The following NECAB1 variants were observed in gnomAD, a reference collection of about 807,000 sequenced individuals.
The protein encoded by NECAB1 is N-terminal EF-hand calcium binding protein 1.
Under a neutral mutation model 57.5 loss-of-function variants are expected in NECAB1, and 29 were observed. The observed-to-expected ratio is 0.50, with a 90% CI of 0.38 to 0.69. NECAB1 has a LOEUF of 0.69. NECAB1 is among the 30% of genes least tolerant of loss of function. The pLI is 0.00. For missense variants in NECAB1, 372 were observed against 413.8 expected, an observed-to-expected ratio of 0.90 and a Z score of 0.88; for synonymous variants, 142 against 147.7, an observed-to-expected ratio of 0.96 and a Z score of 0.28.
At chr8:90,858,580 T>C (rs1316513318) in intron 3 of NECAB1, among the ~76,000 whole-genome samples, 1 of 151,020 alleles carries the variant, frequency 6.6e-6, no homozygotes, top group African/African-American at 2.4e-5. Context: ...CTTCTTATGG[T>C]CATAGCCAAT....
chr8:90,816,513 G>A (rs1406118973), intron 2 of NECAB1, among the ~76,000 whole-genome samples: 3 of 151,782 alleles, frequency 2.0e-5, no homozygotes, highest in Admixed American at 1.3e-4. Flanking sequence ...AAAGGTGTTA[G>A]GTCTGTGTCT....
intron 9 of NECAB1, chr8:90,940,129 G>A (rs1195034220): frequency 1.3e-5 from 2 of 152,204 alleles, no homozygotes; most frequent in South Asian, 4.1e-4. Flanking sequence ...TTTGTTACAG[G>A]AAACAGTTGG....
chr8:90,816,746 T>C (rs965822465), intron 2 of NECAB1, among the ~76,000 whole-genome samples: 4 of 151,800 alleles, frequency 2.6e-5, no homozygotes, highest in Admixed American at 6.6e-5. Flanking sequence ...CAGTAAATCT[T>C]GCAATTGGGA....
chr8:90,805,589 G>A (rs1001712914), intron 2 of NECAB1, among the ~76,000 whole-genome samples: 14 of 151,700 alleles, frequency 9.2e-5, no homozygotes, highest in Non-Finnish European at 2.1e-4. Flanking sequence ...AGAGATGCTA[G>A]TGCTTTGAGC....
intron 10 of NECAB1, 79 bp downstream of exon 10, chr8:90,940,977 C>A: frequency 9.6e-7 from 1 of 1,043,550 alleles, no homozygotes; most frequent in Non-Finnish European, 1.5e-6. Flanking sequence ...TTAGACAAGG[C>A]TGGGGGTCTA....
At position 90,807,703 on chromosome 8, in the gene NECAB1, C is replaced by T. The variant is rs146652920; in HGVS notation, c.124+5988C>T. 1.7e-3 allele frequency among the ~76,000 whole-genome samples: 257 copies of T among 152,240 alleles called. 2 individuals carry two copies. The highest frequency in any genetic ancestry group is 5.5e-3 in the African/African-American group (229 of 41,538). On this transcript the variant is annotated intron_variant, in intron 2 of 12. Transcript: ENST00000417640. ...CATAATTCCTCATACTTTTTGCAAA[C>T]ATTTTTGGGAAAATAATGAAACTGA... is the stretch of plus-strand genomic sequence containing the variant.
intron 1 of NECAB1, among the ~76,000 whole-genome samples, chr8:90,799,361 C>CT: frequency 6.6e-6 from 1 of 151,898 alleles, no homozygotes; most frequent in African/African-American, 2.4e-5. Flanking sequence ...TTAGTTATAA[C>CT]TTTTTTCTCA....
At chr8:90,887,112 C>G (rs1278011579) in intron 5 of NECAB1, among the ~76,000 whole-genome samples, 1 of 152,076 alleles carries the variant, frequency 6.6e-6, no homozygotes, top group African/African-American at 2.4e-5. Flanking sequence ...CCGTGACATG[C>G]CATTTATCAT....
chr8:90,900,415 G>A (rs1809472995), intron 5 of NECAB1, among the ~76,000 whole-genome samples: 1 of 152,156 alleles, frequency 6.6e-6, no homozygotes, highest in Admixed American at 6.6e-5. Flanking sequence ...CACAGACTTA[G>A]CCAGTTCCAG....
intron 2 of NECAB1, chr8:90,813,200 AAATT>A (rs145761499): frequency 0.11 from 16,933 of 149,766 alleles, 1,561 homozygotes; most frequent in African/African-American, 0.25. Context: ...AATAATAAAT[AAATT>A]AAATAAATAA....
At chr8:90,828,427 C>T (rs1352580430) in intron 3 of NECAB1, among the ~76,000 whole-genome samples, 14 of 152,028 alleles carry the variant, frequency 9.2e-5, no homozygotes, top group Admixed American at 9.2e-4. Context: ...CCTTTCAAGC[C>T]TGCCCAGGCA....
chr8:90,933,222 A>G (rs1483649251), intron 8 of NECAB1, among the ~76,000 whole-genome samples: 3 of 152,172 alleles, frequency 2.0e-5, no homozygotes, highest in African/African-American at 7.2e-5. Context: ...CAATTCCACT[A>G]CTGGGTATCT....
At chr8:90,907,538 A>C (rs1475972043) in intron 5 of NECAB1, among the ~76,000 whole-genome samples, 2 of 152,210 alleles carry the variant, frequency 1.3e-5, no homozygotes, top group East Asian at 1.9e-4. Context: ...ATGTAATAAA[A>C]AATACAATGT....
intron 3 of NECAB1, among the ~76,000 whole-genome samples, chr8:90,825,677 C>T (rs28447453): frequency 3.9e-3 from 585 of 151,902 alleles, no homozygotes; most frequent in African/African-American, 0.013. Flanking sequence ...TATAAACAGA[C>T]ATTTTTTTGA....
At chr8:90,851,077 T>G (rs1812673008) in intron 3 of NECAB1, among the ~76,000 whole-genome samples, 1 of 152,114 alleles carries the variant, frequency 6.6e-6, no homozygotes, top group African/African-American at 2.4e-5. Context: ...GAGGCCTCCA[T>G]GAAAACACTA....
intron 8 of NECAB1, among the ~76,000 whole-genome samples, chr8:90,932,857 A>G (rs1810443746): frequency 6.6e-6 from 1 of 152,206 alleles, no homozygotes; most frequent in East Asian, 1.9e-4. Context: ...CTCAGAGATG[A>G]AGCACTAGGT....
chr8:90,932,663 G>A (rs1029723045), intron 8 of NECAB1, among the ~76,000 whole-genome samples: 17 of 152,106 alleles, frequency 1.1e-4, no homozygotes, highest in Admixed American at 9.8e-4. Flanking sequence ...ATACCTTGCC[G>A]AAAGTTCCAC....
chr8:90,941,413 C>T (rs1039859771), intron 10 of NECAB1, among the ~76,000 whole-genome samples: 4 of 152,234 alleles, frequency 2.6e-5, no homozygotes, highest in African/African-American at 9.6e-5. Flanking sequence ...CAGATCTTTT[C>T]TTTCCTCTTT....
chr8:90,922,486 A>ATTTT (rs577951495), intron 6 of NECAB1, among the ~76,000 whole-genome samples: 3,386 of 57,470 alleles, frequency 0.059, 739 homozygotes, highest in African/African-American at 0.16. Flanking sequence ...AAAAACTTGG[A>ATTTT]TTTTTTTTTT....
Sources: allele counts gnomAD v4.1 joint callset (sites outside exome capture counted in the v4.1 genomes callset), GRCh38; gene constraint gnomAD v4.1.1; transcripts MANE v1.5; gene names NCBI Gene and HGNC (gene_info 2026-07-23, HGNC 2026-07-21).